The following BCKDHB variants were observed in gnomAD, a reference collection of about 807,000 sequenced individuals.
BCKDHB encodes the protein 2-oxoisovalerate dehydrogenase subunit beta, mitochondrial.
In BCKDHB, 41 loss-of-function variants were observed where a neutral mutation model predicts 48.5. The ratio of observed to expected loss-of-function variants is 0.85; its 90% CI spans 0.66 to 1.10. BCKDHB has a LOEUF of 1.10. BCKDHB is among the 50% of genes least tolerant of loss of function. The pLI is 0.00. For synonymous variants in BCKDHB, 201 were observed against 174.8 expected (o/e 1.15, Z -1.18); for missense variants, 496 against 494.2 (o/e 1.00, Z -0.03).
chr6:80,385,366 T>C, the BCKDHB span, among the ~76,000 whole-genome samples: 3 of 152,232 alleles, frequency 2.0e-5, no homozygotes, highest in Non-Finnish European at 4.4e-5. Flanking sequence ...AGGTGTCTAC[T>C]GTTAAAGTGA....
chr6:80,191,657 A>G (rs1429097496), intron 6 of BCKDHB, among the ~76,000 whole-genome samples: 1 of 152,064 alleles, frequency 6.6e-6, no homozygotes, highest in Non-Finnish European at 1.5e-5. Context: ...TTATCTGCTT[A>G]TGTGCCAATA....
At chr6:80,238,845 G>A (rs1776257977) in intron 8 of BCKDHB, among the ~76,000 whole-genome samples, 1 of 152,094 alleles carries the variant, frequency 6.6e-6, no homozygotes. Flanking sequence ...GTGAGAACAT[G>A]TGGTGTTTAG....
the BCKDHB span, chr6:80,462,972 T>A: frequency 6.6e-6 from 1 of 152,180 alleles, no homozygotes; most frequent in African/African-American, 2.4e-5. Context: ...AAAATGGAGC[T>A]TGTCAAACAC....
In BCKDHB at chr6:80,268,334, C is replaced by T. The variant is rs141983829; in HGVS notation, c.952-4801C>T. 1.9e-3 allele frequency among the ~76,000 whole-genome samples: 292 copies of T among 152,134 alleles called. 3 individuals are homozygous for T. The highest frequency in any genetic ancestry group is 6.1e-3 in the African/African-American group (255 of 41,500). On this transcript the variant is annotated intron_variant, in intron 8 of 9. Coordinates refer to ENST00000320393, the MANE Select transcript of BCKDHB (RefSeq NM_183050.4). Reference sequence around the variant, plus strand: ...ATATGTTCTTGATTAATGAAGTATACGTGCTATGATTTTACCATTAGTTGT... The same window carrying T: ...ATATGTTCTTGATTAATGAAGTATATGTGCTATGATTTTACCATTAGTTGT...
chr6:80,211,534 T>A (rs539553375), intron 8 of BCKDHB, among the ~76,000 whole-genome samples: 1 of 152,300 alleles, frequency 6.6e-6, no homozygotes, highest in East Asian at 1.9e-4. Flanking sequence ...AGTCATATCA[T>A]GTTCCTTCTA....
At chr6:80,295,622 GAA>G (rs56998407) in intron 9 of BCKDHB, among the ~76,000 whole-genome samples, 2,659 of 136,388 alleles carry the variant, frequency 0.019, 21 homozygotes, top group African/African-American at 0.026. Flanking sequence ...CCTGTTACCA[GAA>G]AAAAAAAAAA....
intron 3 of BCKDHB, among the ~76,000 whole-genome samples, chr6:80,163,985 T>A (rs1270961439): frequency 6.6e-6 from 1 of 152,228 alleles, no homozygotes; most frequent in Non-Finnish European, 1.5e-5. Context: ...TTACTGGGAT[T>A]ATTGCAGTAG....
chr6:80,278,616 G>A (rs2127971860), intron 9 of BCKDHB, among the ~76,000 whole-genome samples: 1 of 152,158 alleles, frequency 6.6e-6, no homozygotes, highest in South Asian at 2.1e-4. Context: ...CTGGAGTGCA[G>A]TGGCGCAATC....
chr6:80,199,737 A>G (rs1045376081), intron 6 of BCKDHB, among the ~76,000 whole-genome samples: 2 of 124,404 alleles, frequency 1.6e-5, no homozygotes, highest in African/African-American at 6.3e-5. Context: ...GTGCCACTCC[A>G]CTCCAGCCTG....
At chr6:80,173,957 G>A (rs17752438) in intron 6 of BCKDHB, among the ~76,000 whole-genome samples, 3,282 of 152,112 alleles carry the variant, frequency 0.022, 64 homozygotes, top group Non-Finnish European at 0.034. Flanking sequence ...TTTGATTGAG[G>A]AGGCCTCTGG....
chr6:80,219,352 A>G (rs1043826946), intron 8 of BCKDHB, among the ~76,000 whole-genome samples: 2 of 151,982 alleles, frequency 1.3e-5, no homozygotes, highest in Non-Finnish European at 2.9e-5. Flanking sequence ...GATTGCAGGC[A>G]TGCACCACGA....
chr6:80,415,849 C>A, the BCKDHB span, among the ~76,000 whole-genome samples: 4 of 151,758 alleles, frequency 2.6e-5, no homozygotes, highest in Admixed American at 1.3e-4. Context: ...AGGAATGATA[C>A]CAGCTCTTCT....
intron 9 of BCKDHB, among the ~76,000 whole-genome samples, chr6:80,304,591 C>T (rs77659958): frequency 0.044 from 6,702 of 152,138 alleles, 488 homozygotes; most frequent in African/African-American, 0.15. Context: ...CCTAGCCCAT[C>T]TCATTTTATA....
the BCKDHB span, among the ~76,000 whole-genome samples, chr6:80,438,541 C>A: frequency 6.6e-6 from 1 of 152,020 alleles, no homozygotes; most frequent in Non-Finnish European, 1.5e-5. Flanking sequence ...CCAAAAAGAC[C>A]ATAACAATTA....
intron 1 of BCKDHB, among the ~76,000 whole-genome samples, chr6:80,110,477 G>C (rs903024704): frequency 1.3e-5 from 2 of 152,130 alleles, no homozygotes; most frequent in Non-Finnish European, 2.9e-5. Flanking sequence ...ATTAATTGCA[G>C]ACCCCTCAGA....
chr6:80,233,180 T>C (rs1361177084), intron 8 of BCKDHB, among the ~76,000 whole-genome samples: 1 of 152,082 alleles, frequency 6.6e-6, no homozygotes, highest in Non-Finnish European at 1.5e-5. Flanking sequence ...TGTCCTTATC[T>C]CATTAACATA....
the BCKDHB span, among the ~76,000 whole-genome samples, chr6:80,398,156 C>T: frequency 1.4e-5 from 2 of 146,862 alleles, no homozygotes; most frequent in Non-Finnish European, 2.9e-5. Flanking sequence ...AATCTAACAT[C>T]ACAACTAAAA....
intron 8 of BCKDHB, chr6:80,251,728 A>G (rs183441929): frequency 1.3e-5 from 2 of 152,270 alleles, no homozygotes; most frequent in Admixed American, 6.5e-5. Context: ...CTGTTTGTGT[A>G]TGGTATTTGC....
At chr6:80,385,157 G>A in the BCKDHB span, among the ~76,000 whole-genome samples, 1 of 152,212 alleles carries the variant, frequency 6.6e-6, no homozygotes, top group African/African-American at 2.4e-5. Context: ...AATGGACGAA[G>A]TGATGAAAGA....
Sources: allele counts gnomAD v4.1 joint callset (sites outside exome capture counted in the v4.1 genomes callset), GRCh38; gene constraint gnomAD v4.1.1; transcripts MANE v1.5; gene names NCBI Gene and HGNC (gene_info 2026-07-23, HGNC 2026-07-21).